VDR: variants seen among roughly 807,000 people sequenced by gnomAD.
The protein encoded by VDR is vitamin D receptor.
VDR carries 19 observed loss-of-function variants against 39.7 expected under a neutral mutation model. That is an observed-to-expected ratio of 0.48 (90% CI 0.33 to 0.70). VDR has a LOEUF of 0.70. Among genes scored for constraint, VDR ranks in the 30% least tolerant of loss-of-function variants. VDR has a pLI of 0.02. For missense variants in VDR, 442 were observed against 570.5 expected (o/e 0.77, Z 2.29); for synonymous variants, 242 against 215.8 (o/e 1.12, Z -1.07).
intron 4 of VDR, among the ~76,000 whole-genome samples, chr12:47,862,076 A>G (rs2283342): frequency 0.14 from 21,053 of 152,266 alleles, 2,139 homozygotes; most frequent in East Asian, 0.48. Flanking sequence ...CTTTACTAAC[A>G]CCAGGGAGAA....
intron 4 of VDR, among the ~76,000 whole-genome samples, chr12:47,862,763 C>G (rs1366400619): frequency 6.6e-6 from 1 of 152,238 alleles, no homozygotes; most frequent in Non-Finnish European, 1.5e-5. Flanking sequence ...AAGAAATGTG[C>G]AGCTCTCCCA....
Position 47,857,405 on chromosome 12 carries a change from G to T in VDR, c.462+99C>A, listed in dbSNP as rs1353676474. On this transcript the variant is annotated intron_variant, in intron 5 of 9. Coordinates refer to ENST00000549336, the MANE Select transcript of VDR (RefSeq NM_000376.3). ...CAGCCTCCGTCCCTACCCCAGTTCT[G>T]TTCAGGATGTCCCCTGCCCTCTGTC... 13 of 1,604,892 alleles carry T rather than the reference G, an allele frequency of 8.1e-6. No individual in the cohort carries two copies. The African/African-American group carries it at 1.7e-4, about 21-fold the overall frequency.
chr12:47,844,714 C>T lies in VDR; in HGVS notation c.*32G>A. The T allele has an allele frequency of 6.2e-7, 1 of 1,613,192 alleles. No individual in the cohort carries two copies. Among genetic ancestry groups the T allele is most frequent in the Non-Finnish European group, 8.5e-7 (1 of 1,179,844 alleles). On this transcript the variant is annotated 3_prime_UTR_variant, in exon 10 of 10. Coordinates refer to ENST00000549336, the MANE Select transcript of VDR (RefSeq NM_000376.3). ...CTGGCACGTGGCCCTGGAGGAGCAG[C>T]CCCACCCAGGCACCGCCACAGGCTG...
At chr12:47,863,616 T>G (rs1160434217) in intron 4 of VDR, among the ~76,000 whole-genome samples, 1 of 152,150 alleles carries the variant, frequency 6.6e-6, no homozygotes, top group Admixed American at 6.5e-5. Context: ...CAGCCTCCAC[T>G]TCTTATTCTC....
At chr12:47,882,622 T>TTCCCCC in intron 2 of VDR, 72 bp downstream of exon 2, 3 of 603,844 alleles carry the variant, frequency 5.0e-6, no homozygotes, top group Non-Finnish European at 5.9e-6. Context: ...CACCTTCTTA[T>TTCCCCC]GCCCCTCCCC....
At chr12:47,856,756 C>T (rs1945496821) in intron 6 of VDR, among the ~76,000 whole-genome samples, 1 of 152,126 alleles carries the variant, frequency 6.6e-6, no homozygotes, top group South Asian at 2.1e-4. Context: ...ATAGGACCAA[C>T]ACGTTCACCT....
At chr12:47,860,758 G>A (rs1300709303) in intron 4 of VDR, among the ~76,000 whole-genome samples, 9 of 152,100 alleles carry the variant, frequency 5.9e-5, no homozygotes, top group African/African-American at 1.2e-4. Flanking sequence ...TAAACTATGC[G>A]TTGTCTTCTT....
intron 9 of VDR, among the ~76,000 whole-genome samples, chr12:47,846,027 G>C (rs747548615): frequency 1.3e-5 from 2 of 152,212 alleles, no homozygotes; most frequent in Non-Finnish European, 2.9e-5. Flanking sequence ...GTTCACGCAA[G>C]AGCAGAGCCT....
intron 3 of VDR, among the ~76,000 whole-genome samples, chr12:47,877,365 T>G (rs978057930): frequency 1.3e-5 from 2 of 152,212 alleles, no homozygotes; most frequent in African/African-American, 4.8e-5. Flanking sequence ...GCTTTTTTCA[T>G]CAGACTGAAA....
rs1035991105 is a variant in VDR, at chr12:47,853,411, C to A, written c.755+2219G>T. Among the ~76,000 whole-genome samples, 51 of 148,352 alleles carry A rather than the reference C, an allele frequency of 3.4e-4. No homozygotes were observed. The Admixed American group carries it at 3.5e-3, about 10-fold the overall frequency. ...TGAGCCGAGATCATGCCACTGCACT[C>A]CAGCCTAGGCGACAGAGCGAGACTC... is the stretch of plus-strand genomic sequence containing the variant. On this transcript the variant is annotated intron_variant, in intron 7 of 9. Transcript: ENST00000549336.
Position 47,861,633 on chromosome 12 carries a change from G to T in VDR, c.277+3414C>A, listed in dbSNP as rs568284290. Among the ~76,000 whole-genome samples the T allele has an allele frequency of 1.9e-3, 289 of 152,314 alleles. 1 individual carries two copies. Among genetic ancestry groups the T allele is most frequent in the Non-Finnish European group, 2.2e-3 (150 of 68,032 alleles). ...ATGAAGCCATTGACCTAGAATAAGA[G>T]TAAACAGGTTCTGAAAGAGTGTTGG... On this transcript the variant is annotated intron_variant, in intron 4 of 9. Coordinates refer to ENST00000549336, the MANE Select transcript of VDR (RefSeq NM_000376.3).
At chr12:47,889,040 T>C in intron 1 of VDR, among the ~76,000 whole-genome samples, 1 of 152,160 alleles carries the variant, frequency 6.6e-6, no homozygotes, top group Non-Finnish European at 1.5e-5. Flanking sequence ...AATTATTATG[T>C]GTCAACTACA....
At chr12:47,882,641 G>A (rs1254772061) in intron 2 of VDR, 53 bp downstream of exon 2, 5 of 265,306 alleles carry the variant, frequency 1.9e-5, no homozygotes, top group Middle Eastern at 1.0e-3. Flanking sequence ...CCCCCACCCC[G>A]CCCCTTGAAA....
intron 1 of VDR, among the ~76,000 whole-genome samples, chr12:47,891,835 G>A (rs953158652): frequency 1.3e-5 from 2 of 152,276 alleles, no homozygotes; most frequent in African/African-American, 4.8e-5. Context: ...GGGACCTGAA[G>A]CTTGACTACC....
chr12:47,903,363 G>A (rs138757608), intron 1 of VDR, among the ~76,000 whole-genome samples: 75 of 152,292 alleles, frequency 4.9e-4, no homozygotes, highest in East Asian at 3.7e-3. Context: ...TGGGGGCCAC[G>A]GACTCTGCAG....
intron 2 of VDR, 148 bp downstream of exon 2, chr12:47,882,546 A>G (rs946947562): frequency 1.5e-6 from 1 of 669,632 alleles, no homozygotes; most frequent in Admixed American, 2.8e-5. Context: ...TCTCAGTTGC[A>G]GACTCTGCTG....
intron 7 of VDR, among the ~76,000 whole-genome samples, chr12:47,852,995 C>T (rs1316698524): frequency 6.6e-6 from 1 of 152,182 alleles, no homozygotes; most frequent in Non-Finnish European, 1.5e-5. Flanking sequence ...AAGACAATAA[C>T]ATTGCTTGAG....
At chr12:47,853,906 G>A (rs1945434478) in intron 7 of VDR, among the ~76,000 whole-genome samples, 1 of 151,820 alleles carries the variant, frequency 6.6e-6, no homozygotes, top group Non-Finnish European at 1.5e-5. Context: ...TAGGTGAAAA[G>A]AGCGAAACCG....
rs1429008050 is a variant in VDR, at chr12:47,841,599, T to C, written c.*3147A>G. 6.6e-6 allele frequency: 1 copy of C among 152,410 alleles called. No individual in the cohort carries two copies. Among genetic ancestry groups the C allele is most frequent in the Non-Finnish European group, 1.5e-5 (1 of 68,050 alleles). The allele number at this position is 152,410 out of a possible 1,614,324, so 9.4% of individuals were successfully genotyped here. A position where few individuals can be genotyped will look rare whatever the true frequency, so the allele number is the denominator to read the frequency against. On this transcript the variant is annotated 3_prime_UTR_variant, in exon 10 of 10. Transcript: ENST00000549336. The stretch of plus-strand genomic sequence containing the variant: ...CAACAAAGTAAGTGCTATATAAGTA[T>C]GAGCCATTTTTATTACCATAAGCAA...
Sources: gnomAD v4.1 joint callset for allele counts (sites outside exome capture counted in the v4.1 genomes callset) on GRCh38, gnomAD v4.1.1 for gene constraint, MANE v1.5 for transcripts, NCBI Gene and HGNC (gene_info 2026-07-23, HGNC 2026-07-21) for gene names.